Variants in MAST4 observed in about 807,000 individuals in gnomAD.
The protein encoded by MAST4 is microtubule associated serine/threonine kinase family member 4, also known as microtubule-associated serine/threonine-protein kinase 4.
MAST4 carries 89 observed loss-of-function variants against 162.7 expected under a neutral mutation model. That is an observed-to-expected ratio of 0.55 (90% CI 0.46 to 0.65). The LOEUF is 0.65. MAST4 is among the 30% of genes least tolerant of loss of function. MAST4 has a pLI of 0.00. For missense variants in MAST4, 3,153 were observed against 3,374.0 expected (o/e 0.93, Z 1.62); for synonymous variants, 1,479 against 1,361.1 (o/e 1.09, Z -1.91).
At chr5:66,620,103 T>C (rs1289119533) in intron 1 of MAST4, among the ~76,000 whole-genome samples, 1 of 151,446 alleles carries the variant, frequency 6.6e-6, no homozygotes, top group African/African-American at 2.4e-5. Context: ...TAAAAATAAT[T>C]GTTACCTGGT....
At chr5:67,085,020 T>C (rs1763083511) in intron 5 of MAST4, among the ~76,000 whole-genome samples, 1 of 152,182 alleles carries the variant, frequency 6.6e-6, no homozygotes, top group African/African-American at 2.4e-5. Context: ...ATGAGCACAT[T>C]TAATATATTT....
chr5:67,163,388 A>C lies in MAST4; in HGVS notation c.4209A>C (p.Ser1403=), dbSNP rs1773454382. The C allele has an allele frequency of 1.2e-6, 2 of 1,612,366 alleles. No individual in the cohort carries two copies. The highest frequency in any genetic ancestry group is 4.5e-5 in the East Asian group (2 of 44,852). The change falls in exon 29 of 29, where the codon TCA becomes TCC. Residue 1403 remains serine, a synonymous_variant. Coordinates refer to ENST00000403625, the MANE Select transcript of MAST4 (RefSeq NM_001164664.2). This position sits in a 1 kb window ranked among gnomAD's most constrained non-coding sequence, Gnocchi z 7.0. ...QRSPSPLLGH[S]LGNSKIAQAF... ...CACCATCCCCTCTTCTGGGACACTC[A>C]CTGGGCAATTCCAAGATCGCGCAAG...
chr5:67,032,290 A>T (rs2150438648), intron 4 of MAST4, among the ~76,000 whole-genome samples: 2 of 152,314 alleles, frequency 1.3e-5, no homozygotes, highest in Middle Eastern at 6.8e-3. Context: ...AACTTCCACT[A>T]ATTTGAGAAG....
chr5:66,693,738 T>A (rs866264162), intron 1 of MAST4, among the ~76,000 whole-genome samples: 1 of 120,796 alleles, frequency 8.3e-6, no homozygotes, highest in Admixed American at 9.6e-5. Context: ...TCTTAAGATA[T>A]GGTCCTCGCT....
chr5:66,726,928 A>T (rs774219809), intron 1 of MAST4, among the ~76,000 whole-genome samples: 1 of 152,100 alleles, frequency 6.6e-6, no homozygotes, highest in Non-Finnish European at 1.5e-5. Context: ...GAAATAGATC[A>T]TTTGGCAGAG....
intron 3 of MAST4, among the ~76,000 whole-genome samples, chr5:66,882,053 A>T (rs561096473): frequency 6.6e-6 from 1 of 152,214 alleles, no homozygotes; most frequent in African/African-American, 2.4e-5. Flanking sequence ...AACTGGTTTC[A>T]GTATCTTGAT....
intron 4 of MAST4, among the ~76,000 whole-genome samples, chr5:67,041,224 T>C (rs1415990789): frequency 6.6e-6 from 1 of 152,206 alleles, no homozygotes; most frequent in Non-Finnish European, 1.5e-5. Flanking sequence ...GTCCCTTGCA[T>C]GTTGCTCCAC....
chr5:67,058,088 A>T (rs546303769), intron 5 of MAST4, among the ~76,000 whole-genome samples: 2 of 152,050 alleles, frequency 1.3e-5, no homozygotes, highest in South Asian at 4.1e-4. Context: ...TCTAAAAATT[A>T]CCCAGGCATG....
chr5:66,608,244 C>T (rs946946883), intron 1 of MAST4, among the ~76,000 whole-genome samples: 1 of 149,880 alleles, frequency 6.7e-6, no homozygotes, highest in African/African-American at 2.5e-5. Flanking sequence ...TTAGTAGAGA[C>T]AGGATTTCAC....
At chr5:66,812,184 C>G (rs1430401166) in intron 3 of MAST4, among the ~76,000 whole-genome samples, 2 of 152,076 alleles carry the variant, frequency 1.3e-5, no homozygotes, top group Admixed American at 1.3e-4. Context: ...CAGAGCTGAC[C>G]GCTGAGCCAC....
intron 2 of MAST4, 63 bp from the exon 3 acceptor site, chr5:66,788,607 C>CCCCCCACAAAAAAAAAAA: frequency 7.3e-7 from 1 of 1,373,728 alleles, no homozygotes; most frequent in Non-Finnish European, 1.0e-6. Flanking sequence ...CCCCCACCCC[C>CCCCCCACAAAAAAAAAAA]ATTGCAATAA....
chr5:66,600,493 G>A (rs2149381193), intron 1 of MAST4, among the ~76,000 whole-genome samples: 1 of 152,328 alleles, frequency 6.6e-6, no homozygotes, highest in South Asian at 2.1e-4. Context: ...CTGGCCGAGG[G>A]CAGGAATTTT....
At chr5:67,105,946 G>A (rs1765547514) in intron 10 of MAST4, among the ~76,000 whole-genome samples, 1 of 152,076 alleles carries the variant, frequency 6.6e-6, no homozygotes, top group Non-Finnish European at 1.5e-5. Flanking sequence ...AATGGCTTCT[G>A]ATACCCCTCA....
chr5:67,136,431 ACT>A lies in MAST4; in HGVS notation c.2393-129_2393-128del. ...GACTGAAGATCTTGTTGAAAGGCAG[ACT>A]CTGATTTAGTAGGTCCGGAGTGGGC... is the stretch of plus-strand genomic sequence containing the variant. On this transcript the variant is annotated intron_variant, in intron 18 of 28. Coordinates refer to ENST00000403625, the MANE Select transcript of MAST4 (RefSeq NM_001164664.2). The A allele has an allele frequency of 8.2e-6, 5 of 612,960 alleles. 1 individual carries two copies. The highest frequency in any genetic ancestry group is 8.5e-4 in the Middle Eastern group (2 of 2,358). 38.0% of individuals were successfully genotyped at this position (612,960 alleles called of 1,614,324 possible).
At chr5:66,693,198 C>T (rs1419255353) in intron 1 of MAST4, among the ~76,000 whole-genome samples, 1 of 152,034 alleles carries the variant, frequency 6.6e-6, no homozygotes, top group Non-Finnish European at 1.5e-5. Context: ...CATGGTTTGC[C>T]TTGCTTTCAA....
At chr5:67,153,002 T>G (rs1386894372) in intron 25 of MAST4, 136 bp downstream of exon 25, 1 of 705,980 alleles carries the variant, frequency 1.4e-6, no homozygotes, top group East Asian at 2.7e-5. Context: ...CTTTTAGAGC[T>G]CCATCCCTGT....
At position 66,945,480 on chromosome 5, in the gene MAST4, C is replaced by T. The variant is rs115068643; in HGVS notation, c.674+45498C>T. 6.5e-3 allele frequency among the ~76,000 whole-genome samples: 985 copies of T among 152,258 alleles called. 16 individuals carry two copies. The highest frequency in any genetic ancestry group is 0.023 in the African/African-American group (944 of 41,570). ...AAGTTATCTTCAGATTCATCCAGAA[C>T]GTCTTGGGGCCTAATCCCTGTGCCC... On this transcript the variant is annotated intron_variant, in intron 4 of 28. Transcript: ENST00000403625.
intron 4 of MAST4, among the ~76,000 whole-genome samples, chr5:67,023,145 G>C (rs987559935): frequency 2.0e-5 from 3 of 152,114 alleles, no homozygotes; most frequent in African/African-American, 4.8e-5. Flanking sequence ...GGAAGGTTCA[G>C]CAGATATTCT....
chr5:67,051,185 G>GA lies in MAST4; in HGVS notation c.675-3207dup, dbSNP rs34481186. 4.2e-4 allele frequency among the ~76,000 whole-genome samples: 51 copies of GA among 121,770 alleles called. No individual in the cohort carries two copies. The South Asian group carries it at 0.013, about 31-fold the overall frequency. 79.9% of individuals were successfully genotyped at this position (121,770 alleles called of 152,430 possible). ...GTTTTTCCCTTGGGTGACTTTGCTT[G>GA]AAAAAAAAAAAACAAGGCAGAATTG... is the stretch of plus-strand genomic sequence containing the variant. On this transcript the variant is annotated intron_variant, in intron 4 of 28. Transcript: ENST00000403625.
Sources: gnomAD v4.1 joint callset for allele counts (sites outside exome capture counted in the v4.1 genomes callset) on GRCh38, gnomAD v4.1.1 for gene constraint, Gnocchi (gnomAD v3.1) non-coding constraint, MANE v1.5 for transcripts, NCBI Gene and HGNC (gene_info 2026-07-23, HGNC 2026-07-21) for gene names.